GPC6: variants seen among roughly 807,000 people sequenced by gnomAD.
GPC6 encodes glypican-6.
In GPC6, 14 loss-of-function variants were observed where a neutral mutation model predicts 55.2. The observed-to-expected ratio is 0.25, with a 90% CI of 0.17 to 0.40. GPC6 has a LOEUF of 0.40. Ranked by LOEUF, GPC6 falls within the 10% of genes least tolerant of loss-of-function variation. The probability of loss-of-function intolerance (pLI) is 1.00; values close to 1 mark genes in which losing one functional copy is unlikely to be tolerated. For missense variants in GPC6, 641 were observed against 708.5 expected, an observed-to-expected ratio of 0.90 and a Z score of 1.08; for synonymous variants, 278 against 259.6, an observed-to-expected ratio of 1.07 and a Z score of -0.68.
intron 4 of GPC6, among the ~76,000 whole-genome samples, chr13:94,200,814 T>C (rs1260701546): frequency 1.3e-5 from 2 of 152,200 alleles, no homozygotes; most frequent in African/African-American, 4.8e-5. Context: ...TGAGGTATTA[T>C]TGTGTCAGTG....
intron 2 of GPC6, among the ~76,000 whole-genome samples, chr13:93,638,561 C>T (rs1431989969): frequency 6.6e-6 from 1 of 152,080 alleles, no homozygotes; most frequent in African/African-American, 2.4e-5. Context: ...ACAGCAATAA[C>T]TCTTTCCAAG....
At chr13:93,590,596 GTTT>G (rs1351290754) in intron 2 of GPC6, among the ~76,000 whole-genome samples, 1 of 151,814 alleles carries the variant, frequency 6.6e-6, no homozygotes, top group Non-Finnish European at 1.5e-5. Context: ...ATAACAATAA[GTTT>G]TTTAAAAAAA....
chr13:94,373,828 C>T (rs1397143409), intron 6 of GPC6, among the ~76,000 whole-genome samples: 1 of 152,114 alleles, frequency 6.6e-6, no homozygotes, highest in Non-Finnish European at 1.5e-5. Flanking sequence ...GGTCGGGTTA[C>T]CCTCAAAGGG....
chr13:93,865,277 G>T (rs1168173820), intron 3 of GPC6, among the ~76,000 whole-genome samples: 1 of 151,590 alleles, frequency 6.6e-6, no homozygotes. Flanking sequence ...GAAAAAAATG[G>T]CCAAATAAAA....
intron 1 of GPC6, among the ~76,000 whole-genome samples, chr13:93,503,368 C>T (rs148246208): frequency 2.6e-5 from 4 of 152,090 alleles, no homozygotes; most frequent in Non-Finnish European, 5.9e-5. Flanking sequence ...TATAAAGGAC[C>T]AGACAGTAAA....
At chr13:94,050,996 G>A (rs146263017) in intron 4 of GPC6, among the ~76,000 whole-genome samples, 273 of 152,288 alleles carry the variant, frequency 1.8e-3, no homozygotes, top group African/African-American at 6.2e-3. Flanking sequence ...CTTTGGGAAT[G>A]TGATTAGCAT....
At chr13:94,248,950 G>T (rs1218985606) in intron 4 of GPC6, among the ~76,000 whole-genome samples, 1 of 152,094 alleles carries the variant, frequency 6.6e-6, no homozygotes, top group East Asian at 1.9e-4. Context: ...GTTAGTTTCA[G>T]GGTGGTTAGG....
intron 1 of GPC6, among the ~76,000 whole-genome samples, chr13:93,242,288 C>T (rs1450775737): frequency 1.3e-5 from 2 of 152,148 alleles, no homozygotes; most frequent in East Asian, 3.9e-4. Flanking sequence ...GGTGCTACCT[C>T]AGCTCTACTA....
chr13:93,752,497 G>A (rs983128187), intron 2 of GPC6, among the ~76,000 whole-genome samples: 6 of 151,328 alleles, frequency 4.0e-5, no homozygotes, highest in African/African-American at 7.3e-5. Flanking sequence ...AGGAATAATC[G>A]GTTGCAATCT....
chr13:93,747,116 T>A (rs1884423527), intron 2 of GPC6, among the ~76,000 whole-genome samples: 1 of 152,084 alleles, frequency 6.6e-6, no homozygotes, highest in South Asian at 2.1e-4. Context: ...AGTTTTCCAG[T>A]GAGGAGCTGA....
intron 1 of GPC6, among the ~76,000 whole-genome samples, chr13:93,393,293 C>G (rs867923608): frequency 1.3e-5 from 2 of 151,710 alleles, no homozygotes; most frequent in Admixed American, 6.6e-5. Flanking sequence ...CGCCCACCAC[C>G]ACACCCAGCT....
chr13:93,346,607 A>C (rs1880439504), intron 1 of GPC6, among the ~76,000 whole-genome samples: 1 of 152,148 alleles, frequency 6.6e-6, no homozygotes, highest in Non-Finnish European at 1.5e-5. Flanking sequence ...CCAGTGTCTA[A>C]AGTAGCGTAT....
chr13:93,640,320 A>G (rs1879860038), intron 2 of GPC6, among the ~76,000 whole-genome samples: 1 of 152,112 alleles, frequency 6.6e-6, no homozygotes, highest in South Asian at 2.1e-4. Flanking sequence ...ATTATCAAGT[A>G]TTGCGTGCTT....
intron 4 of GPC6, among the ~76,000 whole-genome samples, chr13:94,180,836 A>G: frequency 6.6e-6 from 1 of 152,100 alleles, no homozygotes; most frequent in Admixed American, 6.6e-5. Context: ...AATTCAAGGT[A>G]ACAGGTTTCC....
At chr13:94,241,447 T>C (rs1349203314) in intron 4 of GPC6, among the ~76,000 whole-genome samples, 2 of 152,180 alleles carry the variant, frequency 1.3e-5, no homozygotes, top group African/African-American at 4.8e-5. Context: ...GATGATCTTA[T>C]GGGACTCATT....
At position 93,891,193 on chromosome 13, in the gene GPC6, T is replaced by G. The variant is rs544525557; in HGVS notation, c.711+60648T>G. On this transcript the variant is annotated intron_variant, in intron 3 of 8. Coordinates refer to ENST00000377047, the MANE Select transcript of GPC6 (RefSeq NM_005708.5). Reference sequence around the variant, plus strand: ...TGTTCACAGTGTATACTGCTATGTTTATTTTATTTTTCAAAGTATACCTAA... The same window carrying G: ...TGTTCACAGTGTATACTGCTATGTTGATTTTATTTTTCAAAGTATACCTAA... 1.1e-4 allele frequency among the ~76,000 whole-genome samples: 16 copies of G among 152,304 alleles called. No individual in the cohort carries two copies. The South Asian group carries it at 3.1e-3, about 30-fold the overall frequency.
chr13:93,396,756 T>C (rs1194597862), intron 1 of GPC6, among the ~76,000 whole-genome samples: 1 of 152,168 alleles, frequency 6.6e-6, no homozygotes, highest in Non-Finnish European at 1.5e-5. Context: ...CAGTGATTGC[T>C]TAATCTTGTG....
At chr13:93,250,999 C>G (rs186320642) in intron 1 of GPC6, among the ~76,000 whole-genome samples, 2 of 152,036 alleles carry the variant, frequency 1.3e-5, no homozygotes, top group African/African-American at 4.8e-5. Context: ...GAGAGCCAAG[C>G]GAAAGGGGTT....
chr13:93,426,587 A>G (rs1403300476), intron 1 of GPC6, among the ~76,000 whole-genome samples: 2 of 152,050 alleles, frequency 1.3e-5, no homozygotes, highest in East Asian at 1.9e-4. Context: ...TTATGGCTGC[A>G]TAGTATTCCA....
Sources: gnomAD v4.1 joint callset for allele counts (sites outside exome capture counted in the v4.1 genomes callset) on GRCh38, gnomAD v4.1.1 for gene constraint, MANE v1.5 for transcripts, NCBI Gene and HGNC (gene_info 2026-07-23, HGNC 2026-07-21) for gene names.